The following MAGI2 variants were observed in gnomAD, a reference collection of about 807,000 sequenced individuals.
MAGI2 encodes the protein membrane associated guanylate kinase, WW and PDZ domain containing 2, also known as membrane-associated guanylate kinase, WW and PDZ domain-containing protein 2.
In MAGI2, 35 loss-of-function variants were observed where a neutral mutation model predicts 133.3. The observed-to-expected ratio is 0.26, with a 90% CI of 0.20 to 0.35. The LOEUF (loss-of-function observed/expected upper bound fraction) is 0.35. Among genes scored for constraint, MAGI2 ranks in the 10% least tolerant of loss-of-function variants. The pLI, the probability that MAGI2 is intolerant of heterozygous loss-of-function variation, is 1.00. For missense variants in MAGI2, 1,636 were observed against 1,863.4 expected (o/e 0.88, Z 2.25); for synonymous variants, 729 against 710.6 (o/e 1.03, Z -0.41).
intron 1 of MAGI2, among the ~76,000 whole-genome samples, chr7:79,242,981 C>G (rs1832537526): frequency 6.6e-6 from 1 of 152,018 alleles, no homozygotes; most frequent in Non-Finnish European, 1.5e-5. Flanking sequence ...CTTTGGGAGG[C>G]TGAGGTGGGT....
chr7:78,681,776 A>G (rs1278685449), intron 2 of MAGI2, among the ~76,000 whole-genome samples: 3 of 152,160 alleles, frequency 2.0e-5, no homozygotes, highest in Non-Finnish European at 2.9e-5. Context: ...TCAGCGTCAC[A>G]ACCCTAGAAA....
At chr7:79,403,680 G>GT (rs1450304298) in intron 1 of MAGI2, among the ~76,000 whole-genome samples, 1 of 152,074 alleles carries the variant, frequency 6.6e-6, no homozygotes, top group East Asian at 1.9e-4. Context: ...TCTAAACTGT[G>GT]TGTTCTACTT....
chr7:78,576,014 A>T (rs1802230061), intron 3 of MAGI2, among the ~76,000 whole-genome samples: 1 of 152,002 alleles, frequency 6.6e-6, no homozygotes, highest in Admixed American at 6.6e-5. Context: ...TTAAACATAA[A>T]CTCTCTGTAC....
intron 6 of MAGI2, among the ~76,000 whole-genome samples, chr7:78,443,779 G>C (rs1274164020): frequency 6.6e-6 from 1 of 152,066 alleles, no homozygotes; most frequent in Non-Finnish European, 1.5e-5. Flanking sequence ...AGAATTATTT[G>C]AGTTAGTGTG....
intron 1 of MAGI2, among the ~76,000 whole-genome samples, chr7:79,202,329 A>C (rs1828680464): frequency 6.6e-6 from 1 of 151,984 alleles, no homozygotes; most frequent in South Asian, 2.1e-4. Context: ...GGTCAAAGTC[A>C]CTTAATTGGG....
chr7:79,288,438 A>G (rs575897610), intron 1 of MAGI2, among the ~76,000 whole-genome samples: 2 of 152,322 alleles, frequency 1.3e-5, no homozygotes, highest in East Asian at 3.9e-4. Context: ...ACATTTCCCT[A>G]CTATTACACT....
At chr7:78,591,508 A>T (rs17439361) in intron 3 of MAGI2, among the ~76,000 whole-genome samples, 1 of 152,154 alleles carries the variant, frequency 6.6e-6, no homozygotes, top group African/African-American at 2.4e-5. Context: ...GACACTGTGT[A>T]AATGAGGTCA....
At chr7:78,728,001 A>T (rs1244237310) in intron 2 of MAGI2, among the ~76,000 whole-genome samples, 1 of 152,198 alleles carries the variant, frequency 6.6e-6, no homozygotes, top group East Asian at 1.9e-4. Context: ...GGAGATTGCC[A>T]GTAATGGTGA....
intron 6 of MAGI2, among the ~76,000 whole-genome samples, chr7:78,394,438 C>T (rs2151323358): frequency 6.6e-6 from 1 of 152,264 alleles, no homozygotes; most frequent in Middle Eastern, 3.4e-3. Flanking sequence ...AGGGCATGTC[C>T]TCTGCCACAG....
intron 21 of MAGI2, among the ~76,000 whole-genome samples, chr7:78,061,713 A>G (rs1813292347): frequency 6.6e-6 from 1 of 152,122 alleles, no homozygotes; most frequent in African/African-American, 2.4e-5. Flanking sequence ...GAACCATGAG[A>G]GCAAGAGAGA....
intron 1 of MAGI2, among the ~76,000 whole-genome samples, chr7:79,255,888 A>T (rs1286510579): frequency 6.6e-6 from 1 of 152,200 alleles, no homozygotes; most frequent in South Asian, 2.1e-4. Flanking sequence ...AAGGATTTGG[A>T]TGTTTTCCAG....
intron 3 of MAGI2, among the ~76,000 whole-genome samples, chr7:78,607,849 T>A (rs1446864866): frequency 6.6e-6 from 1 of 152,190 alleles, no homozygotes; most frequent in Non-Finnish European, 1.5e-5. Flanking sequence ...ATCCCGCCTC[T>A]GGTACTCTCC....
At chr7:78,948,423 A>T (rs1801607419) in intron 2 of MAGI2, among the ~76,000 whole-genome samples, 1 of 151,952 alleles carries the variant, frequency 6.6e-6, no homozygotes, top group Non-Finnish European at 1.5e-5. Flanking sequence ...TTTCATGTGA[A>T]TTTTTATACT....
At chr7:78,680,828 T>C (rs1415901494) in intron 2 of MAGI2, among the ~76,000 whole-genome samples, 3 of 152,090 alleles carry the variant, frequency 2.0e-5, no homozygotes, top group Non-Finnish European at 4.4e-5. Context: ...AGATACTTGG[T>C]TAATAAATCT....
chr7:79,115,576 T>C (rs1044470304), intron 1 of MAGI2, among the ~76,000 whole-genome samples: 1 of 152,168 alleles, frequency 6.6e-6, no homozygotes, highest in African/African-American at 2.4e-5. Context: ...GTTGGCAAAC[T>C]TAGCCAGACT....
chr7:78,795,920 A>C (rs1331122650), intron 2 of MAGI2, among the ~76,000 whole-genome samples: 2 of 152,160 alleles, frequency 1.3e-5, no homozygotes, highest in Non-Finnish European at 2.9e-5. Context: ...GGTGCCAGGT[A>C]AACTGGATAA....
At chr7:78,640,287 TAAAA>T in intron 2 of MAGI2, among the ~76,000 whole-genome samples, 1 of 151,176 alleles carries the variant, frequency 6.6e-6, no homozygotes, top group East Asian at 1.9e-4. Flanking sequence ...TATCCTGTAA[TAAAA>T]AAACAAAAAA....
chr7:79,060,447 T>C (rs948883626), intron 1 of MAGI2, among the ~76,000 whole-genome samples: 2 of 152,078 alleles, frequency 1.3e-5, no homozygotes, highest in African/African-American at 2.4e-5. Context: ...AGTATTTGAC[T>C]AGTTAGGTCA....
intron 20 of MAGI2, among the ~76,000 whole-genome samples, chr7:78,122,164 G>C (rs555024708): frequency 1.3e-5 from 2 of 152,304 alleles, no homozygotes; most frequent in East Asian, 3.9e-4. Context: ...GAAATCATGG[G>C]AGCTTGGTAA....
Sources: allele counts gnomAD v4.1 joint callset (sites outside exome capture counted in the v4.1 genomes callset), GRCh38; gene constraint gnomAD v4.1.1; transcripts MANE v1.5; gene names NCBI Gene and HGNC (gene_info 2026-07-23, HGNC 2026-07-21).